The following RIMS2 variants were observed in gnomAD, a reference collection of about 807,000 sequenced individuals.
RIMS2 encodes regulating synaptic membrane exocytosis 2.
In RIMS2, 59 loss-of-function variants were observed where a neutral mutation model predicts 174.4. That is an observed-to-expected ratio of 0.34 (90% CI 0.27 to 0.42). The LOEUF is 0.42. RIMS2 is among the 10% of genes least tolerant of loss of function. RIMS2 has a pLI of 1.00. For synonymous variants in RIMS2, 606 were observed against 572.5 expected, an observed-to-expected ratio of 1.06 and a Z score of -0.84; for missense variants, 1,620 against 1,666.3, an observed-to-expected ratio of 0.97 and a Z score of 0.48.
chr8:103,551,148 A>T (rs1028611222), intron 1 of RIMS2, among the ~76,000 whole-genome samples: 2 of 152,208 alleles, frequency 1.3e-5, no homozygotes, highest in African/African-American at 4.8e-5. Flanking sequence ...ACAACAAAAA[A>T]AAGAGAATTT....
intron 19 of RIMS2, among the ~76,000 whole-genome samples, chr8:104,231,499 G>T (rs1047432773): frequency 6.6e-6 from 1 of 151,740 alleles, no homozygotes; most frequent in Non-Finnish European, 1.5e-5. Context: ...CTGTCTAATT[G>T]TCCTTCAAAG....
chr8:103,509,198 T>C (rs1825273301), intron 1 of RIMS2, among the ~76,000 whole-genome samples: 1 of 152,066 alleles, frequency 6.6e-6, no homozygotes, highest in Non-Finnish European at 1.5e-5. Context: ...AGATTAGGGC[T>C]CTTGGAATCC....
At chr8:103,593,686 A>G (rs2094361283) in intron 1 of RIMS2, among the ~76,000 whole-genome samples, 1 of 151,548 alleles carries the variant, frequency 6.6e-6, no homozygotes, top group African/African-American at 2.4e-5. Flanking sequence ...GTGCAAAAAT[A>G]TAAAATAATA....
chr8:104,031,946 G>C, intron 19 of RIMS2, among the ~76,000 whole-genome samples: 1 of 151,828 alleles, frequency 6.6e-6, no homozygotes. Flanking sequence ...GATTTGTTTA[G>C]AAAACTAATT....
At chr8:103,593,424 A>G (rs1422702396) in intron 1 of RIMS2, among the ~76,000 whole-genome samples, 1 of 151,578 alleles carries the variant, frequency 6.6e-6, no homozygotes, top group East Asian at 1.9e-4. Flanking sequence ...GTTCATTGAT[A>G]TGGTTTTGGT....
At chr8:103,699,562 G>T (rs1389720643) in intron 2 of RIMS2, among the ~76,000 whole-genome samples, 1 of 151,882 alleles carries the variant, frequency 6.6e-6, no homozygotes, top group African/African-American at 2.4e-5. Flanking sequence ...TTTCTTTGTT[G>T]TTGATTTCTG....
intron 2 of RIMS2, among the ~76,000 whole-genome samples, chr8:103,727,462 T>G (rs2097539618): frequency 2.0e-5 from 3 of 152,232 alleles, no homozygotes; most frequent in Admixed American, 6.5e-5. Flanking sequence ...CAGAAGTTTT[T>G]TTTTTTAACT....
chr8:104,254,112 T>C (rs1473754992), downstream of RIMS2: 1 of 152,226 alleles, frequency 6.6e-6, no homozygotes, highest in Non-Finnish European at 1.5e-5. Flanking sequence ...TGCATATTCC[T>C]ATACAAATTA....
intron 3 of RIMS2, among the ~76,000 whole-genome samples, chr8:103,772,550 G>C (rs6987829): frequency 0.16 from 23,923 of 152,020 alleles, 1,995 homozygotes; most frequent in Middle Eastern, 0.24. Flanking sequence ...ACTGTGTACA[G>C]GGATCATACA....
At chr8:103,592,523 A>G (rs1316162090) in intron 1 of RIMS2, among the ~76,000 whole-genome samples, 1 of 151,342 alleles carries the variant, frequency 6.6e-6, no homozygotes, top group African/African-American at 2.4e-5. Context: ...AGATAAAACA[A>G]AGATTCAAAA....
chr8:103,772,243 A>G (rs143983838), intron 3 of RIMS2, among the ~76,000 whole-genome samples: 60 of 152,096 alleles, frequency 3.9e-4, no homozygotes, highest in African/African-American at 1.3e-3. Context: ...CACAGAGAAC[A>G]TGATTATTTA....
At chr8:103,931,158 C>T in intron 11 of RIMS2, 105 bp from the exon 14 acceptor site, 2 of 771,850 alleles carry the variant, frequency 2.6e-6, no homozygotes, top group Non-Finnish European at 4.2e-6. Flanking sequence ...AGTTTATATT[C>T]TGTGCTAATG....
intron 4 of RIMS2, among the ~76,000 whole-genome samples, chr8:103,908,045 G>T (rs1363882653): frequency 6.7e-6 from 1 of 148,912 alleles, no homozygotes; most frequent in African/African-American, 2.5e-5. Flanking sequence ...ACCGCGCCCG[G>T]CCTTTGTTTT....
intron 19 of RIMS2, among the ~76,000 whole-genome samples, chr8:104,107,967 G>GCCCCCCC (rs11322161): frequency 1.4e-5 from 2 of 141,160 alleles, no homozygotes; most frequent in Non-Finnish European, 3.1e-5. Flanking sequence ...TCTTTCCCCT[G>GCCCCCCC]CCCCCCCCCC....
At chr8:103,828,740 T>C (rs1210745792) in intron 3 of RIMS2, among the ~76,000 whole-genome samples, 1 of 152,126 alleles carries the variant, frequency 6.6e-6, no homozygotes, top group Non-Finnish European at 1.5e-5. Context: ...TTGATTTTTG[T>C]AGGTGGTGAA....
chr8:103,544,898 A>G (rs759850207), intron 1 of RIMS2, among the ~76,000 whole-genome samples: 1 of 152,226 alleles, frequency 6.6e-6, no homozygotes, highest in African/African-American at 2.4e-5. Context: ...ACACATCCAA[A>G]GAACAACAAC....
chr8:104,150,344 A>G (rs976075961), intron 19 of RIMS2, among the ~76,000 whole-genome samples: 2 of 152,266 alleles, frequency 1.3e-5, no homozygotes, highest in Non-Finnish European at 2.9e-5. Context: ...TGCCAGACAC[A>G]TGAAGAAAAA....
chr8:104,249,497 G>A (rs2028945), exon 22 of RIMS2: 157,360 of 1,593,362 alleles, frequency 0.099, 14,138 homozygotes, highest in East Asian at 0.52. Flanking sequence ...GTGACATTCA[G>A]GTAGGAATGA....
rs541209455 is a variant in RIMS2 at position 104,223,364 on chromosome 8, A to G, written c.3335-21552A>G. The G allele has an allele frequency of 3.7e-4, 431 of 1,180,480 alleles. 1 individual carries two copies. The African/African-American group carries it at 6.0e-3, about 16-fold the overall frequency. 73.1% of individuals were successfully genotyped at this position (1,180,480 alleles called of 1,614,324 possible). On this transcript the variant is annotated intron_variant, in intron 19 of 23. Coordinates refer to ENST00000504942, the Ensembl canonical transcript of RIMS2. ...AGCAGCTCCAGCCTCCAGGATTCTC[A>G]GCTCCCTCCCGGGCGAGACCTCGGA...
Sources: allele counts gnomAD v4.1 joint callset (sites outside exome capture counted in the v4.1 genomes callset), GRCh38; gene constraint gnomAD v4.1.1; transcripts MANE v1.5; gene names NCBI Gene and HGNC (gene_info 2026-07-23, HGNC 2026-07-21).